Variants in NOTUM observed in about 807,000 individuals in gnomAD.
NOTUM encodes the protein notum, palmitoleoyl-protein carboxylesterase.
In NOTUM, 36 loss-of-function variants were observed where a neutral mutation model predicts 65.5. The observed-to-expected ratio is 0.55, with a 90% CI of 0.42 to 0.73. The LOEUF is 0.73. NOTUM is among the 30% of genes least tolerant of loss of function. The pLI is 0.00. For synonymous variants in NOTUM, 356 were observed against 297.9 expected (o/e 1.20, Z -2.01); for missense variants, 659 against 694.2 (o/e 0.95, Z 0.57).
rs2041465556 is a variant in NOTUM at position 81,960,388 on chromosome 17, C to G, written c.323+199G>C. ...CCGAGGGGTCAGTGCCCGAGCTGGC[C>G]GGGGACCAGCCCTTCCAGCGCCGCT... On this transcript the variant is annotated intron_variant, in intron 1 of 10. Transcript: ENST00000409678. The surrounding 1 kb of genome is among the most constrained non-coding windows in gnomAD (Gnocchi z 6.4). 6.6e-6 allele frequency among the ~76,000 whole-genome samples: 1 copy of G among 152,168 alleles called. No homozygotes were observed.
chr17:81,959,179 G>A (rs1236999642), intron 3 of NOTUM, 184 bp from the exon 4 acceptor site: 7 of 627,206 alleles, frequency 1.1e-5, no homozygotes, highest in African/African-American at 7.3e-5. Flanking sequence ...CCCCCGGGAA[G>A]CCACCATGGC....
rs1301180243 is a variant in NOTUM at position 81,959,509 on chromosome 17, C to A, written c.434G>T (p.Arg145Leu). 1.2e-5 allele frequency: 18 copies of A among 1,548,650 alleles called. No individual in the cohort carries two copies. The highest frequency in any genetic ancestry group is 1.6e-5 in the Non-Finnish European group (18 of 1,146,452). Residue 145 changes from arginine to leucine, a missense_variant, in exon 3 of 11, where the codon CGC (arginine) becomes CTC (leucine). Coordinates refer to ENST00000409678, the MANE Select transcript of NOTUM (RefSeq NM_178493.6). Reference protein sequence around the residue: ...NCDSRYDTMRRLMSSRDWPRT... With the variant: ...NCDSRYDTMRLLMSSRDWPRT... ...CGGCCAGTCCCGGGAGCTCATGAGG[C>A]GCCGCATGGTGTCGTATCTGGAGTC...
At position 81,956,942 on chromosome 17, in the gene NOTUM, G is replaced by T; in HGVS notation, c.828C>A (p.His276Gln). 4 of 1,613,324 alleles carry T rather than the reference G, an allele frequency of 2.5e-6. No individual in the cohort carries two copies. The highest frequency in any genetic ancestry group is 3.4e-6 in the Non-Finnish European group (4 of 1,179,938). ...GWFLDNKQYR[H>Q]TDCVDTITCA... ...ACGTGATCGTGTCGACGCAGTCTGT[G>T]TGGCGATACTGCTTGTTGTCCAGGA... The change falls in exon 7 of 11, where the codon CAC (histidine) becomes CAA (glutamine). Residue 276 changes from histidine to glutamine, a missense_variant. Physicochemically the swap from His to Gln is conservative, Grantham distance 24. Coordinates refer to ENST00000409678, the MANE Select transcript of NOTUM (RefSeq NM_178493.6).
intron 4 of NOTUM, 85 bp from the exon 5 acceptor site, chr17:81,958,478 A>C: frequency 1.1e-6 from 1 of 882,124 alleles, no homozygotes; most frequent in Non-Finnish European, 1.9e-6. Context: ...GACCCTCAGA[A>C]AAGACCATCC....
Position 81,958,359 on chromosome 17 carries a change from C to G in NOTUM, c.568G>C (p.Gly190Arg). The change falls in exon 5 of 11, where the codon GGG becomes CGG. Residue 190 changes from glycine to arginine, a missense_variant. Gly to Arg is a moderately radical substitution (Grantham distance 125). Coordinates refer to ENST00000409678, the MANE Select transcript of NOTUM (RefSeq NM_178493.6). ...CTCTTCTCAGACTTGGATGAAGCCC[C>G]GCTCCAAACATCACTGGAGCAGTAG... ...IPYCSSDVWS[G>R]ASSKSEKNEY... 1 of 1,610,752 alleles carries G rather than the reference C, an allele frequency of 6.2e-7. No individual in the cohort carries two copies. The highest frequency in any genetic ancestry group is 8.5e-7 in the Non-Finnish European group (1 of 1,178,318).
Position 81,960,349 on chromosome 17 carries a change from G to A in NOTUM, c.323+238C>T, listed in dbSNP as rs2041465179. Among the ~76,000 whole-genome samples the A allele has an allele frequency of 6.6e-6, 1 of 152,340 alleles. No homozygotes were observed. The highest frequency in any genetic ancestry group is 1.9e-4 in the East Asian group (1 of 5,174). On this transcript the variant is annotated intron_variant, in intron 1 of 10. Coordinates refer to ENST00000409678, the MANE Select transcript of NOTUM (RefSeq NM_178493.6). The surrounding 1 kb of genome is among the most constrained non-coding windows in gnomAD (Gnocchi z 6.4). ...GGGACCGAAGGACGCCAGCAGAGCG[G>A]CTGGGCCCAGAGGCCGAGGGGTCAG...
At position 81,960,729 on chromosome 17, in the gene NOTUM, C is replaced by A; in HGVS notation, c.181G>T (p.Gly61Cys). 1 of 1,601,932 alleles carries A rather than the reference C, an allele frequency of 6.2e-7. No individual in the cohort carries two copies. The highest frequency in any genetic ancestry group is 1.1e-5 in the South Asian group (1 of 89,176). The change falls in exon 1 of 11, where the codon GGT becomes TGT. Residue 61 changes from glycine (G) to cysteine (C), a missense_variant. Gly to Cys is a radical substitution (Grantham distance 159). Transcript: ENST00000409678. The surrounding 1 kb of genome is among the most constrained non-coding windows in gnomAD (Gnocchi z 6.4). ...TGCGCCATGAAGCTGTCCATGTTAC[C>A]CTCCACGGCCGTGAAGTCCAGCGGG... is the stretch of plus-strand genomic sequence containing the variant. Reference protein sequence around the residue: ...SFPLDFTAVEGNMDSFMAQVK... With the variant: ...SFPLDFTAVECNMDSFMAQVK...
Position 81,956,956 on chromosome 17 carries a change from T to C in NOTUM, c.814A>G (p.Lys272Glu), listed in dbSNP as rs993181736. 1.2e-6 allele frequency: 2 copies of C among 1,613,426 alleles called. No individual in the cohort carries two copies. Among genetic ancestry groups the C allele is most frequent in the Admixed American group, 1.7e-5 (1 of 60,012 alleles). Residue 272 changes from lysine (K) to glutamate (E), a missense_variant, in exon 7 of 11, where the codon AAG becomes GAG. Transcript: ENST00000409678. The part of the protein sequence containing the change: ...LADSGWFLDN[K>E]QYRHTDCVDT... Reference sequence around the variant, plus strand: ...ACGCAGTCTGTGTGGCGATACTGCTTGTTGTCCAGGAACCAGCCGGAGTCA... The same window carrying C: ...ACGCAGTCTGTGTGGCGATACTGCTCGTTGTCCAGGAACCAGCCGGAGTCA...
chr17:81,958,310 A>C, intron 5 of NOTUM, 25 bp downstream of exon 5: 1 of 1,558,900 alleles, frequency 6.4e-7, no homozygotes, highest in Middle Eastern at 1.7e-4. Context: ...CTGCCCTGCC[A>C]TGCCCTGGGA....
rs540070522 is a variant in NOTUM at position 81,960,853 on chromosome 17, G to T, written c.57C>A (p.Gly19=). 7.3e-4 allele frequency: 1,085 copies of T among 1,487,910 alleles called. 23 individuals are homozygous for T. In the Admixed American group the frequency reaches 0.02, roughly 28 times the overall value. The allele number at this position is 1,487,910 out of a possible 1,614,324, so 92.2% of individuals were successfully genotyped here. Residue 19 remains glycine (G), a synonymous_variant, in exon 1 of 11, where the codon GGC becomes GGA. Transcript: ENST00000409678. This position sits in a 1 kb window ranked among gnomAD's most constrained non-coding sequence, Gnocchi z 6.4. The part of the protein sequence containing the change: ...LLLSLLHCAG[G]SEGRKTWRRR... ...GCCGCCAGGTCTTCCTGCCCTCGCT[G>T]CCCCCGGCGCAGTGCAGCAGGCTCA... is the stretch of plus-strand genomic sequence containing the variant.
In NOTUM at chr17:81,960,334, G is replaced by A. The variant is rs1289660509; in HGVS notation, c.323+253C>T. 1.3e-5 allele frequency among the ~76,000 whole-genome samples: 2 copies of A among 152,206 alleles called. No individual in the cohort carries two copies. Among genetic ancestry groups the A allele is most frequent in the Non-Finnish European group, 2.9e-5 (2 of 68,024 alleles). On this transcript the variant is annotated intron_variant, in intron 1 of 10. Coordinates refer to ENST00000409678, the MANE Select transcript of NOTUM (RefSeq NM_178493.6). This position sits in a 1 kb window ranked among gnomAD's most constrained non-coding sequence, Gnocchi z 6.4. ...CCATCTCCCCGCCCCGGGACCGAAG[G>A]ACGCCAGCAGAGCGGCTGGGCCCAG...
chr17:81,958,289 CG>C (rs1567939095), intron 5 of NOTUM, 45 bp downstream of exon 5: 4 of 1,355,172 alleles, frequency 3.0e-6, no homozygotes, highest in South Asian at 2.3e-5. Context: ...CCCTGCCATC[CG>C]GCCCCGTCCC....
Position 81,952,615 on chromosome 17 carries a change from G to C in NOTUM, c.*346C>G, listed in dbSNP as rs2041395373. ...TTTAAAAAATTAAAGTAATAAAAAA[G>C]TCACTTTATAAAATAATATAAAAGG... is the stretch of plus-strand genomic sequence containing the variant. On this transcript the variant is annotated 3_prime_UTR_variant, in exon 11 of 11. Transcript: ENST00000409678. 1 of 263,780 alleles carries C rather than the reference G, an allele frequency of 3.8e-6. No homozygotes were observed. The highest frequency in any genetic ancestry group is 2.2e-5 in the African/African-American group (1 of 45,154). 16.3% of individuals were successfully genotyped at this position (263,780 alleles called of 1,614,324 possible). A position where few individuals can be genotyped will look rare whatever the true frequency, so the allele number is the denominator to read the frequency against.
rs758283933 is a variant in NOTUM, at chr17:81,957,794, C to A, written c.695+12G>T. The A allele has an allele frequency of 5.1e-6, 8 of 1,581,398 alleles. No homozygotes were observed. In the South Asian group the frequency reaches 9.2e-5, roughly 18 times the overall value. On this transcript the variant is annotated intron_variant, in intron 6 of 10. Transcript: ENST00000409678. ...TCACCCCTCACCTCCAGCCCTGCCCCGCCCTGCCCACCTGCTCCCGGCCAG... is the reference window on the plus strand; with the variant it reads ...TCACCCCTCACCTCCAGCCCTGCCCAGCCCTGCCCACCTGCTCCCGGCCAG...
In NOTUM at chr17:81,956,938, C is replaced by T. The variant is rs755305853; in HGVS notation, c.832G>A (p.Asp278Asn). The change falls in exon 7 of 11, where the codon GAC becomes AAC. Residue 278 changes from aspartate to asparagine, a missense_variant. Transcript: ENST00000409678. ...GCGCACGTGATCGTGTCGACGCAGT[C>T]TGTGTGGCGATACTGCTTGTTGTCC... is the stretch of plus-strand genomic sequence containing the variant. ...FLDNKQYRHT[D>N]CVDTITCAPT... The T allele has an allele frequency of 6.8e-6, 11 of 1,613,228 alleles. No homozygotes were observed. The highest frequency in any genetic ancestry group is 1.7e-4 in the Middle Eastern group (1 of 6,058).
At position 81,953,111 on chromosome 17, in the gene NOTUM, G is replaced by A. The variant is rs1028790061; in HGVS notation, c.1341C>T (p.Pro447=). The A allele has an allele frequency of 2.5e-6, 4 of 1,613,814 alleles. No homozygotes were observed. The African/African-American group carries it at 4.0e-5, about 16-fold the overall frequency. Residue 447 remains proline (P), a synonymous_variant, in exon 11 of 11, where the codon CCC becomes CCT. Coordinates refer to ENST00000409678, the MANE Select transcript of NOTUM (RefSeq NM_178493.6). ...ACTGGTCTCGGACGGTGGGGCATGA[G>A]GGGTTGCAGTGGGGCCAGGGGCAGC... The part of the protein sequence containing the change: ...VDSCPWPHCN[P]SCPTVRDQFT...
At chr17:81,957,662 C>T (rs2041443573) in intron 6 of NOTUM, 144 bp downstream of exon 6, 1 of 631,054 alleles carries the variant, frequency 1.6e-6, no homozygotes, top group Non-Finnish European at 2.8e-6. Flanking sequence ...CCAGCTCCAG[C>T]CTCTCACCCT....
At position 81,955,759 on chromosome 17, in the gene NOTUM, C is replaced by A. The variant is rs1457525415; in HGVS notation, c.989-215G>T. On this transcript the variant is annotated intron_variant, in intron 8 of 10. Transcript: ENST00000409678. ...CCCACCCCAGGCTCAGAGTTCAGCACCCCCAGGCCCCTGCAGTGTCCCCCA... is the reference window on the plus strand; with the variant it reads ...CCCACCCCAGGCTCAGAGTTCAGCAACCCCAGGCCCCTGCAGTGTCCCCCA... Among the ~76,000 whole-genome samples the A allele has an allele frequency of 2.3e-5, 3 of 128,604 alleles. No homozygotes were observed. The East Asian group carries it at 7.1e-4, about 30-fold the overall frequency. 84.4% of individuals were successfully genotyped at this position (128,604 alleles called of 152,430 possible). A position where few individuals can be genotyped will look rare whatever the true frequency, so the allele number is the denominator to read the frequency against.
intron 8 of NOTUM, 95 bp from the exon 9 acceptor site, chr17:81,955,639 C>T (rs1354935189): frequency 5.8e-6 from 7 of 1,201,572 alleles, no homozygotes; most frequent in Non-Finnish European, 8.0e-6. Flanking sequence ...CCTGCAGTGC[C>T]CCCACCCCAG....
Sources: allele counts gnomAD v4.1 joint callset (sites outside exome capture counted in the v4.1 genomes callset), GRCh38; gene constraint gnomAD v4.1.1; non-coding constraint Gnocchi (gnomAD v3.1); transcripts MANE v1.5; gene names NCBI Gene and HGNC (gene_info 2026-07-23, HGNC 2026-07-21).